The following EBF1 variants were observed in gnomAD, a reference collection of about 807,000 sequenced individuals.
EBF1 encodes EBF transcription factor 1.
In EBF1, 10 loss-of-function variants were observed where a neutral mutation model predicts 68.4. The ratio of observed to expected loss-of-function variants is 0.15; its 90% confidence interval spans 0.09 to 0.25. EBF1 has a LOEUF of 0.25. EBF1 is among the 10% of genes least tolerant of loss of function. The probability of loss-of-function intolerance (pLI) is 1.00; values close to 1 mark genes in which losing one functional copy is unlikely to be tolerated. For missense variants in EBF1, 509 were observed against 794.4 expected (o/e 0.64, Z 4.32); for synonymous variants, 298 against 299.8 (o/e 0.99, Z 0.06).
intron 15 of EBF1, among the ~76,000 whole-genome samples, chr5:158,706,744 T>C (rs1581175666): frequency 6.6e-6 from 1 of 152,196 alleles, no homozygotes; most frequent in Admixed American, 6.5e-5. Flanking sequence ...CAGACTCTGA[T>C]GGGGCTTACA....
At chr5:158,949,988 G>A (rs868612908) in intron 6 of EBF1, among the ~76,000 whole-genome samples, 1 of 152,214 alleles carries the variant, frequency 6.6e-6, no homozygotes, top group Non-Finnish European at 1.5e-5. Context: ...ACAGGTTCAC[G>A]TTGTATCACT....
rs146428415 is a variant in EBF1 at position 158,825,376 on chromosome 5, A to G, written c.637-2059T>C. On this transcript the variant is annotated intron_variant, in intron 7 of 15. Coordinates refer to ENST00000313708, the MANE Select transcript of EBF1 (RefSeq NM_024007.5). Reference sequence around the variant, plus strand: ...AATTTTGATTTACTATGAGACCACAATTGAGCGGTCACTGGAGTCGTTAGC... The same window carrying G: ...AATTTTGATTTACTATGAGACCACAGTTGAGCGGTCACTGGAGTCGTTAGC... Among the ~76,000 whole-genome samples, 933 of 152,270 alleles carry G rather than the reference A, an allele frequency of 6.1e-3. 11 individuals carry two copies. The highest frequency in any genetic ancestry group is 0.02 in the Middle Eastern group (6 of 294).
At chr5:158,711,875 C>A (rs1759412073) in intron 14 of EBF1, among the ~76,000 whole-genome samples, 1 of 152,192 alleles carries the variant, frequency 6.6e-6, no homozygotes, top group South Asian at 2.1e-4. Context: ...TCATCTAACT[C>A]AGAGCATGGG....
chr5:158,803,975 T>C, intron 8 of EBF1, among the ~76,000 whole-genome samples: 1 of 146,986 alleles, frequency 6.8e-6, no homozygotes, highest in South Asian at 2.3e-4. Context: ...TGTGTGTGTG[T>C]GTGTGTGATG....
intron 6 of EBF1, chr5:158,983,755 AG>A (rs754978951): frequency 3.3e-5 from 5 of 152,190 alleles, no homozygotes; most frequent in African/African-American, 4.8e-5. Context: ...ATACGGAGAG[AG>A]GGAAAAGGTA....
At chr5:159,087,953 T>C (rs931144819) in intron 4 of EBF1, among the ~76,000 whole-genome samples, 8 of 152,202 alleles carry the variant, frequency 5.3e-5, no homozygotes, top group Admixed American at 4.6e-4. Context: ...TAGAACAATA[T>C]TTTTCAGCAC....
chr5:158,699,042 CTTGTATCAGATTA>C lies in EBF1; in HGVS notation c.*56_*68del. The C allele has an allele frequency of 6.9e-7, 1 of 1,441,944 alleles. No individual in the cohort carries two copies. Among genetic ancestry groups the C allele is most frequent in the East Asian group, 2.4e-5 (1 of 41,386 alleles). 89.3% of individuals were successfully genotyped at this position (1,441,944 alleles called of 1,614,324 possible). A position where few individuals can be genotyped will look rare whatever the true frequency, so the allele number is the denominator to read the frequency against. Reference sequence around the variant, plus strand: ...CTGAGTTAAAAGTTCCACTCTGGGACTTGTATCAGATTACTCTCTGTAGCAGAATCCAACCTCT... The same window carrying C: ...CTGAGTTAAAAGTTCCACTCTGGGACCTCTCTGTAGCAGAATCCAACCTCT... On this transcript the variant is annotated 3_prime_UTR_variant, in exon 16 of 16. Coordinates refer to ENST00000313708, the MANE Select transcript of EBF1 (RefSeq NM_024007.5).
chr5:158,799,397 G>C (rs900208014), intron 8 of EBF1, among the ~76,000 whole-genome samples: 3 of 151,330 alleles, frequency 2.0e-5, no homozygotes, highest in African/African-American at 7.3e-5. Flanking sequence ...ACTCCAGACA[G>C]AGTGAGACTC....
intron 5 of EBF1, among the ~76,000 whole-genome samples, chr5:159,081,807 C>G (rs781503961): frequency 6.6e-6 from 1 of 152,188 alleles, no homozygotes; most frequent in Non-Finnish European, 1.5e-5. Flanking sequence ...AATCAAATCT[C>G]TTCTAGAATC....
At chr5:158,844,802 G>T (rs1582479873) in intron 6 of EBF1, among the ~76,000 whole-genome samples, 6 of 152,264 alleles carry the variant, frequency 3.9e-5, no homozygotes, top group African/African-American at 1.4e-4. Context: ...TTTTATTTGG[G>T]TTCATCAATC....
intron 6 of EBF1, among the ~76,000 whole-genome samples, chr5:159,009,168 A>G (rs1764152357): frequency 6.6e-6 from 1 of 152,230 alleles, no homozygotes; most frequent in African/African-American, 2.4e-5. Context: ...AGTCTTGCCT[A>G]AAGTCACACA....
intron 6 of EBF1, among the ~76,000 whole-genome samples, chr5:158,849,171 A>C (rs1389627684): frequency 1.3e-5 from 2 of 152,250 alleles, no homozygotes; most frequent in Non-Finnish European, 2.9e-5. Context: ...GTAATTGCCA[A>C]GGAAGATTGA....
chr5:159,094,419 G>A (rs950892525), intron 4 of EBF1, among the ~76,000 whole-genome samples: 2 of 151,916 alleles, frequency 1.3e-5, no homozygotes, highest in African/African-American at 4.8e-5. Context: ...TTCTACTTGT[G>A]TCATATCGAA....
chr5:158,801,724 C>CT (rs1426210242), intron 8 of EBF1, among the ~76,000 whole-genome samples: 2 of 151,158 alleles, frequency 1.3e-5, no homozygotes, highest in Non-Finnish European at 3.0e-5. Flanking sequence ...TATTTAACAA[C>CT]TAATGTTCTG....
At chr5:158,931,660 G>A (rs1038598719) in intron 6 of EBF1, among the ~76,000 whole-genome samples, 1 of 152,166 alleles carries the variant, frequency 6.6e-6, no homozygotes, top group Admixed American at 6.5e-5. Flanking sequence ...TTATTGGAGG[G>A]TTCAGCATAG....
intron 15 of EBF1, among the ~76,000 whole-genome samples, chr5:158,701,361 TA>T (rs35952631): frequency 0.81 from 119,717 of 147,816 alleles, 48,332 homozygotes; most frequent in East Asian, 0.98. Context: ...TGGCCAGAAT[TA>T]AAAAAAAAAA....
chr5:158,965,004 T>A (rs1021556721), intron 6 of EBF1, among the ~76,000 whole-genome samples: 6 of 152,154 alleles, frequency 3.9e-5, no homozygotes, highest in African/African-American at 1.4e-4. Flanking sequence ...TCCAACGTGT[T>A]GAGATATTTG....
At chr5:158,903,890 T>G (rs1370010551) in intron 6 of EBF1, among the ~76,000 whole-genome samples, 1 of 152,008 alleles carries the variant, frequency 6.6e-6, no homozygotes, top group Non-Finnish European at 1.5e-5. Context: ...CCCCACCCCG[T>G]GAGGTAAAGT....
rs548135233 is a variant in EBF1, at chr5:159,032,733, T to C, written c.554+40663A>G. On this transcript the variant is annotated intron_variant, in intron 6 of 15. Coordinates refer to ENST00000313708, the MANE Select transcript of EBF1 (RefSeq NM_024007.5). ...AATTGTCATGAACAGTATTATGACA[T>C]TGGCTTCCTTAAAAATTTAACATTC... Among the ~76,000 whole-genome samples the C allele has an allele frequency of 9.8e-5, 15 of 152,358 alleles. No individual in the cohort carries two copies. In the East Asian group the frequency reaches 2.5e-3, roughly 25 times the overall value.
Sources: gnomAD v4.1 joint callset for allele counts (sites outside exome capture counted in the v4.1 genomes callset) on GRCh38, gnomAD v4.1.1 for gene constraint, MANE v1.5 for transcripts, NCBI Gene and HGNC (gene_info 2026-07-23, HGNC 2026-07-21) for gene names.